FILIP1L: variants seen among roughly 807,000 people sequenced by gnomAD.
The protein encoded by FILIP1L is filamin A-interacting protein 1-like.
A neutral mutation model predicts 96.6 loss-of-function variants in FILIP1L; 55 were observed. That is an observed-to-expected ratio of 0.57 (90% CI 0.46 to 0.71). FILIP1L has a LOEUF of 0.71. Ranked by LOEUF, FILIP1L falls within the 30% of genes least tolerant of loss-of-function variation. The probability of loss-of-function intolerance (pLI) is 0.00; values close to 1 mark genes in which losing one functional copy is unlikely to be tolerated. For synonymous variants in FILIP1L, 467 were observed against 473.9 expected, an observed-to-expected ratio of 0.99 and a Z score of 0.19; for missense variants, 1,304 against 1,321.2, an observed-to-expected ratio of 0.99 and a Z score of 0.20.
intron 1 of FILIP1L, among the ~76,000 whole-genome samples, chr3:99,989,055 T>C (rs1203768583): frequency 3.3e-5 from 5 of 152,238 alleles, no homozygotes; most frequent in African/African-American, 9.6e-5. Flanking sequence ...AATTCTTCCA[T>C]CTCATAAACT....
At chr3:100,060,282 A>G (rs1266793071) in intron 1 of FILIP1L, among the ~76,000 whole-genome samples, 1 of 152,098 alleles carries the variant, frequency 6.6e-6, no homozygotes, top group Non-Finnish European at 1.5e-5. Context: ...CCATGCAAGG[A>G]GAAACCATGA....
At chr3:99,859,105 TCC>T (rs1192080311) in intron 4 of FILIP1L, among the ~76,000 whole-genome samples, 49 of 152,354 alleles carry the variant, frequency 3.2e-4, no homozygotes, top group African/African-American at 1.2e-3. Context: ...TGTTTGAAAC[TCC>T]AATTTGAAAT....
At chr3:99,986,261 T>C (rs1368269117) in intron 1 of FILIP1L, among the ~76,000 whole-genome samples, 1 of 152,230 alleles carries the variant, frequency 6.6e-6, no homozygotes, top group Admixed American at 6.5e-5. Flanking sequence ...GTAAATTGAA[T>C]GGGATATGTC....
chr3:99,935,402 G>A (rs1707631949), intron 1 of FILIP1L, among the ~76,000 whole-genome samples: 1 of 152,170 alleles, frequency 6.6e-6, no homozygotes, highest in Non-Finnish European at 1.5e-5. Flanking sequence ...ACAGCCTAAT[G>A]TGTTGTTATC....
intron 4 of FILIP1L, among the ~76,000 whole-genome samples, chr3:99,876,449 G>A (rs1295858944): frequency 6.6e-6 from 1 of 152,242 alleles, no homozygotes; most frequent in African/African-American, 2.4e-5. Context: ...GGGAGGCAGG[G>A]TCGATCCGCT....
At chr3:99,995,813 T>C (rs999622688) in intron 1 of FILIP1L, among the ~76,000 whole-genome samples, 2 of 152,172 alleles carry the variant, frequency 1.3e-5, no homozygotes, top group Non-Finnish European at 2.9e-5. Context: ...CTTTCAGCAA[T>C]GGCCAGAGCA....
intron 1 of FILIP1L, among the ~76,000 whole-genome samples, chr3:99,993,972 T>G (rs1004212905): frequency 2.0e-5 from 3 of 152,232 alleles, no homozygotes; most frequent in Non-Finnish European, 4.4e-5. Context: ...ATCAGGGTGA[T>G]ACTGGCCTCA....
intron 4 of FILIP1L, among the ~76,000 whole-genome samples, chr3:99,896,176 G>A (rs983313211): frequency 3.9e-5 from 6 of 152,146 alleles, no homozygotes; most frequent in South Asian, 2.1e-4. Flanking sequence ...GCTCCATTCC[G>A]TCTGCTATTT....
At chr3:99,991,866 A>G (rs528310515) in intron 1 of FILIP1L, among the ~76,000 whole-genome samples, 2 of 149,702 alleles carry the variant, frequency 1.3e-5, no homozygotes, top group South Asian at 4.2e-4. Flanking sequence ...GTATGTGTAT[A>G]TATATACACA....
intron 1 of FILIP1L, among the ~76,000 whole-genome samples, chr3:99,988,151 A>G (rs1709401021): frequency 6.6e-6 from 1 of 152,066 alleles, no homozygotes; most frequent in Non-Finnish European, 1.5e-5. Flanking sequence ...AAGCTAAAAG[A>G]ATTGTGGGAT....
chr3:99,993,176 G>A (rs1709573273), intron 1 of FILIP1L, among the ~76,000 whole-genome samples: 1 of 151,918 alleles, frequency 6.6e-6, no homozygotes, highest in Non-Finnish European at 1.5e-5. Context: ...TTTTAGGATT[G>A]TTTTTTCTAC....
intron 1 of FILIP1L, among the ~76,000 whole-genome samples, chr3:99,996,622 C>T (rs1384077469): frequency 2.0e-5 from 3 of 152,174 alleles, no homozygotes; most frequent in Non-Finnish European, 4.4e-5. Context: ...ATTGGACTTA[C>T]AGTTCCACAT....
chr3:99,895,957 C>G (rs1325137878), intron 4 of FILIP1L, among the ~76,000 whole-genome samples: 1 of 152,174 alleles, frequency 6.6e-6, no homozygotes, highest in Non-Finnish European at 1.5e-5. Context: ...TAAAGATAGT[C>G]TTTTTGTAGA....
chr3:100,101,726 C>G (rs2066309023), intron 1 of FILIP1L, among the ~76,000 whole-genome samples: 1 of 152,040 alleles, frequency 6.6e-6, no homozygotes, highest in African/African-American at 2.4e-5. Flanking sequence ...CCCATTAACT[C>G]ATCATTTAAC....
chr3:99,882,726 C>A (rs1705769069), intron 4 of FILIP1L, among the ~76,000 whole-genome samples: 1 of 152,168 alleles, frequency 6.6e-6, no homozygotes, highest in Non-Finnish European at 1.5e-5. Flanking sequence ...ATGGCACAAA[C>A]AGTGTGATTA....
chr3:99,832,877 T>A (rs1942741925), intron 5 of FILIP1L, among the ~76,000 whole-genome samples: 1 of 148,900 alleles, frequency 6.7e-6, no homozygotes, highest in Non-Finnish European at 1.5e-5. Context: ...TTTTTTTTTC[T>A]TGTATGACTT....
chr3:99,886,480 A>G (rs1194860645), intron 4 of FILIP1L, among the ~76,000 whole-genome samples: 1 of 152,180 alleles, frequency 6.6e-6, no homozygotes, highest in African/African-American at 2.4e-5. Flanking sequence ...GTTGGGCTAC[A>G]TTCAAAGCTG....
intron 1 of FILIP1L, among the ~76,000 whole-genome samples, chr3:100,081,683 A>T (rs1164756394): frequency 7.2e-5 from 11 of 152,196 alleles, no homozygotes; most frequent in African/African-American, 1.2e-4. Flanking sequence ...GGGATTTTTT[A>T]AAATATATCC....
intron 1 of FILIP1L, among the ~76,000 whole-genome samples, chr3:100,026,138 G>T (rs2064916355): frequency 6.6e-6 from 1 of 152,164 alleles, no homozygotes; most frequent in Admixed American, 6.6e-5. Context: ...TCTGTATCAG[G>T]ATGCTGTCAA....
Sources: allele counts gnomAD v4.1 joint callset (sites outside exome capture counted in the v4.1 genomes callset), GRCh38; gene constraint gnomAD v4.1.1; transcripts MANE v1.5; gene names NCBI Gene and HGNC (gene_info 2026-07-23, HGNC 2026-07-21).